GRIA4: variants seen among roughly 807,000 people sequenced by gnomAD.
GRIA4 encodes glutamate ionotropic receptor AMPA type subunit 4, also known as glutamate receptor 4.
Under a neutral mutation model 104.0 loss-of-function variants are expected in GRIA4, and 34 were observed. The ratio of observed to expected loss-of-function variants is 0.33; its 90% CI spans 0.25 to 0.44. The LOEUF is 0.44. Ranked by LOEUF, GRIA4 falls within the 20% of genes least tolerant of loss-of-function variation. The probability of loss-of-function intolerance (pLI) is 1.00; values close to 1 mark genes in which losing one functional copy is unlikely to be tolerated. For synonymous variants in GRIA4, 386 were observed against 381.9 expected (o/e 1.01, Z -0.13); for missense variants, 750 against 1,096.5 (o/e 0.68, Z 4.46).
At chr11:105,741,925 C>T (rs1477878931) in intron 3 of GRIA4, among the ~76,000 whole-genome samples, 2 of 151,850 alleles carry the variant, frequency 1.3e-5, no homozygotes, top group African/African-American at 4.8e-5. Context: ...ATGAATAAGT[C>T]GTATGGCATG....
chr11:105,825,224 G>T lies in GRIA4; in HGVS notation c.488-36800G>T, dbSNP rs114878424. Reference sequence around the variant, plus strand: ...AACAGCCTTGAGTTCTGCCCACTGAGCCAAGTGGCCACATTCATTTTTGAT... The same window carrying T: ...AACAGCCTTGAGTTCTGCCCACTGATCCAAGTGGCCACATTCATTTTTGAT... On this transcript the variant is annotated intron_variant, in intron 4 of 16. Coordinates refer to ENST00000282499, the MANE Select transcript of GRIA4 (RefSeq NM_000829.4). Among the ~76,000 whole-genome samples, 360 of 152,126 alleles carry T rather than the reference G, an allele frequency of 2.4e-3. 3 individuals carry two copies. The highest frequency in any genetic ancestry group is 8.2e-3 in the African/African-American group (340 of 41,536).
intron 3 of GRIA4, among the ~76,000 whole-genome samples, chr11:105,731,135 T>C (rs1410439470): frequency 2.0e-5 from 3 of 151,976 alleles, no homozygotes; most frequent in East Asian, 3.9e-4. Context: ...CCATCTGACA[T>C]AGGGCCAGTA....
In GRIA4 at chr11:105,886,565, C is replaced by T. The variant is rs561107047; in HGVS notation, c.673-954C>T. Among the ~76,000 whole-genome samples the T allele has an allele frequency of 4.2e-3, 579 of 138,130 alleles. 5 individuals are homozygous for T. Among genetic ancestry groups the T allele is most frequent in the African/African-American group, 0.014 (539 of 37,980 alleles). 90.6% of individuals were successfully genotyped at this position (138,130 alleles called of 152,430 possible). ...TCCATCATACATTCTGATTTTAAAA[C>T]GGTTTTCCTACATTTCATACATAAG... On this transcript the variant is annotated intron_variant, in intron 5 of 16. Coordinates refer to ENST00000282499, the MANE Select transcript of GRIA4 (RefSeq NM_000829.4).
intron 4 of GRIA4, among the ~76,000 whole-genome samples, chr11:105,768,514 G>A (rs190238764): frequency 4.6e-5 from 7 of 152,058 alleles, no homozygotes; most frequent in East Asian, 1.9e-4. Context: ...CAGTTTTCAC[G>A]TAAAAAAAAT....
intron 3 of GRIA4, among the ~76,000 whole-genome samples, chr11:105,665,472 G>A (rs1952137373): frequency 6.6e-6 from 1 of 151,880 alleles, no homozygotes; most frequent in Admixed American, 6.6e-5. Context: ...TATCCCGGAG[G>A]TTGCACTGGC....
intron 3 of GRIA4, among the ~76,000 whole-genome samples, chr11:105,624,188 A>T (rs1176109291): frequency 6.6e-6 from 1 of 152,160 alleles, no homozygotes; most frequent in Non-Finnish European, 1.5e-5. Context: ...AGAAGAAAGA[A>T]GTTAGGACTG....
chr11:105,793,364 T>C (rs1054671646), intron 4 of GRIA4, among the ~76,000 whole-genome samples: 7 of 152,052 alleles, frequency 4.6e-5, no homozygotes, highest in Non-Finnish European at 1.0e-4. Flanking sequence ...AAAGGGACAA[T>C]ACAGGTCAAG....
intron 3 of GRIA4, among the ~76,000 whole-genome samples, chr11:105,716,646 A>G (rs1173922655): frequency 1.3e-5 from 2 of 152,164 alleles, no homozygotes; most frequent in East Asian, 1.9e-4. Context: ...TTAACAACGT[A>G]TCAATGCAAG....
chr11:105,912,190 T>C (rs1370727082), intron 10 of GRIA4: 2 of 1,003,332 alleles, frequency 2.0e-6, no homozygotes, highest in African/African-American at 3.4e-5. Context: ...GGTCACTGTA[T>C]GTAAATGATG....
chr11:105,955,841 T>C (rs1169263518), intron 14 of GRIA4, among the ~76,000 whole-genome samples: 2 of 152,180 alleles, frequency 1.3e-5, no homozygotes, highest in Non-Finnish European at 2.9e-5. Context: ...GGTACCTCAT[T>C]GTGGTTTTGA....
intron 12 of GRIA4, among the ~76,000 whole-genome samples, chr11:105,925,647 A>G (rs1018634939): frequency 3.3e-5 from 5 of 152,108 alleles, no homozygotes; most frequent in African/African-American, 1.2e-4. Flanking sequence ...AATTCCAATA[A>G]CATAGGAATC....
intron 4 of GRIA4, among the ~76,000 whole-genome samples, chr11:105,838,980 C>A (rs1944290270): frequency 6.6e-6 from 1 of 152,086 alleles, no homozygotes; most frequent in African/African-American, 2.4e-5. Context: ...GATCTTGCCA[C>A]CCACTCTATT....
chr11:105,662,227 A>T (rs556221517), intron 3 of GRIA4, among the ~76,000 whole-genome samples: 1 of 151,994 alleles, frequency 6.6e-6, no homozygotes, highest in South Asian at 2.1e-4. Flanking sequence ...CCCTTCTAAA[A>T]ATATTCATTT....
intron 14 of GRIA4, among the ~76,000 whole-genome samples, chr11:105,960,319 T>A (rs1948705491): frequency 6.6e-6 from 1 of 152,210 alleles, no homozygotes; most frequent in Non-Finnish European, 1.5e-5. Context: ...CTGGAGTTAC[T>A]GGAGATCCTG....
intron 5 of GRIA4, among the ~76,000 whole-genome samples, chr11:105,882,482 T>A (rs1946102733): frequency 6.6e-6 from 1 of 152,230 alleles, no homozygotes; most frequent in South Asian, 2.1e-4. Context: ...CAAACTATCA[T>A]TAATTTGCAA....
chr11:105,863,376 T>C (rs1945296042), intron 5 of GRIA4, among the ~76,000 whole-genome samples: 1 of 148,450 alleles, frequency 6.7e-6, no homozygotes, highest in African/African-American at 2.6e-5. Flanking sequence ...CGTCCCTTTG[T>C]AGAAGAAAAA....
intron 4 of GRIA4, among the ~76,000 whole-genome samples, chr11:105,808,011 T>G (rs948306387): frequency 6.6e-6 from 1 of 152,000 alleles, no homozygotes; most frequent in Non-Finnish European, 1.5e-5. Context: ...TCTCTTATTC[T>G]ATTTAATAGA....
At chr11:105,853,196 C>T (rs1944882597) in intron 4 of GRIA4, among the ~76,000 whole-genome samples, 1 of 152,110 alleles carries the variant, frequency 6.6e-6, no homozygotes. Flanking sequence ...TGCAGGTTAG[C>T]TCAGGATTTG....
chr11:105,622,497 T>C (rs1341875078), intron 3 of GRIA4, among the ~76,000 whole-genome samples: 2 of 151,870 alleles, frequency 1.3e-5, no homozygotes, highest in African/African-American at 4.8e-5. Flanking sequence ...TTCTCCTATT[T>C]GTCGTTCTTC....
Sources: gnomAD v4.1 joint callset for allele counts (sites outside exome capture counted in the v4.1 genomes callset) on GRCh38, gnomAD v4.1.1 for gene constraint, MANE v1.5 for transcripts, NCBI Gene and HGNC (gene_info 2026-07-23, HGNC 2026-07-21) for gene names.